Variants in DOCK2 observed in about 807,000 individuals in gnomAD.
DOCK2 encodes the protein dedicator of cytokinesis protein 2.
A neutral mutation model predicts 248.9 loss-of-function variants in DOCK2; 87 were observed. The observed-to-expected ratio is 0.35, with a 90% CI of 0.29 to 0.42. The LOEUF (loss-of-function observed/expected upper bound fraction) is 0.42. Among genes scored for constraint, DOCK2 ranks in the 10% least tolerant of loss-of-function variants. DOCK2 has a pLI of 1.00. For missense variants in DOCK2, 1,747 were observed against 2,300.2 expected (o/e 0.76, Z 4.92); for synonymous variants, 805 against 821.6 (o/e 0.98, Z 0.35).
At chr5:169,760,343 G>A (rs1174765247) in intron 24 of DOCK2, among the ~76,000 whole-genome samples, 1 of 152,174 alleles carries the variant, frequency 6.6e-6, no homozygotes. Context: ...AATACTTATA[G>A]ATTTAGAAGA....
chr5:169,686,695 G>A (rs369005161), intron 8 of DOCK2, among the ~76,000 whole-genome samples: 85 of 152,334 alleles, frequency 5.6e-4, no homozygotes, highest in African/African-American at 2.0e-3. Context: ...ACAACAGGCA[G>A]GTTAAGACAT....
chr5:170,023,443 C>T (rs547306680), intron 33 of DOCK2, among the ~76,000 whole-genome samples: 14 of 152,138 alleles, frequency 9.2e-5, no homozygotes, highest in South Asian at 6.3e-4. Context: ...GTGCTTGCTG[C>T]GTTCTCGGTA....
chr5:169,804,740 C>T (rs1046795342), intron 26 of DOCK2, among the ~76,000 whole-genome samples: 2 of 152,092 alleles, frequency 1.3e-5, no homozygotes, highest in Non-Finnish European at 2.9e-5. Context: ...ATAAATAGAG[C>T]AAATAAATGT....
At chr5:169,978,410 G>A (rs1311991457) in intron 27 of DOCK2, among the ~76,000 whole-genome samples, 2 of 141,512 alleles carry the variant, frequency 1.4e-5, no homozygotes, top group Admixed American at 7.1e-5. Flanking sequence ...GGGGGGTGTA[G>A]GTGTGTTTGC....
At chr5:170,063,214 TA>T (rs750294995) in intron 44 of DOCK2, among the ~76,000 whole-genome samples, 4 of 152,240 alleles carry the variant, frequency 2.6e-5, no homozygotes, top group African/African-American at 7.2e-5. Flanking sequence ...AGAAAGGGCT[TA>T]AAAAATTGCA....
At chr5:169,990,544 G>A (rs541162950) in intron 29 of DOCK2, among the ~76,000 whole-genome samples, 2 of 152,308 alleles carry the variant, frequency 1.3e-5, no homozygotes, top group South Asian at 2.1e-4. Context: ...GGGGTGAACC[G>A]TGTCCTGTCA....
At chr5:169,791,144 A>T (rs896898387) in intron 25 of DOCK2, among the ~76,000 whole-genome samples, 6 of 152,192 alleles carry the variant, frequency 3.9e-5, no homozygotes, top group African/African-American at 1.4e-4. Flanking sequence ...TCACTCATTC[A>T]TCTAACACTT....
chr5:169,960,331 A>G (rs1418955869), intron 27 of DOCK2, among the ~76,000 whole-genome samples: 2 of 152,158 alleles, frequency 1.3e-5, no homozygotes, highest in East Asian at 1.9e-4. Context: ...GGGTATTTAC[A>G]TCTGCTCATT....
intron 32 of DOCK2, among the ~76,000 whole-genome samples, chr5:170,010,924 T>TAGA (rs1755263818): frequency 6.6e-6 from 1 of 152,238 alleles, no homozygotes; most frequent in African/African-American, 2.4e-5. Context: ...GAAGATTTTA[T>TAGA]TTAGATATAG....
intron 15 of DOCK2, 115 bp from the exon 16 acceptor site, chr5:169,711,820 T>A (rs1761601848): frequency 3.8e-6 from 4 of 1,064,346 alleles, no homozygotes; most frequent in Non-Finnish European, 5.7e-6. Context: ...GGGTTGTAAA[T>A]CAGCAGGCAG....
intron 27 of DOCK2, among the ~76,000 whole-genome samples, chr5:169,870,215 T>C (rs954705568): frequency 6.6e-6 from 1 of 152,094 alleles, no homozygotes; most frequent in Non-Finnish European, 1.5e-5. Context: ...AAACCAGAAA[T>C]GGTAAGAACT....
intron 27 of DOCK2, among the ~76,000 whole-genome samples, chr5:169,938,348 C>T (rs1234231732): frequency 6.6e-6 from 1 of 151,924 alleles, no homozygotes; most frequent in East Asian, 1.9e-4. Context: ...GCAATTTTCT[C>T]ATTGTGTGAA....
At chr5:169,689,469 A>G in intron 9 of DOCK2, 136 bp downstream of exon 9, 1 of 839,632 alleles carries the variant, frequency 1.2e-6, no homozygotes, top group Non-Finnish European at 1.9e-6. Flanking sequence ...GCAGAAATCC[A>G]AAGCTGACAA....
chr5:169,811,534 T>G lies in DOCK2; in HGVS notation c.2703+8328T>G, dbSNP rs191300242. The stretch of plus-strand genomic sequence containing the variant: ...TACATGAGATCACTGCACCTTCTGC[T>G]GTGACCAAGGCTGCTTTGTTTTCAC... On this transcript the variant is annotated intron_variant, in intron 26 of 51. Transcript: ENST00000520908. Among the ~76,000 whole-genome samples the G allele has an allele frequency of 3.9e-5, 6 of 152,338 alleles. No homozygotes were observed. In the East Asian group the frequency reaches 1.2e-3, roughly 29 times the overall value.
chr5:169,814,001 T>C (rs261013), intron 26 of DOCK2, among the ~76,000 whole-genome samples: 70,431 of 152,086 alleles, frequency 0.46, 17,094 homozygotes, highest in African/African-American at 0.62. Flanking sequence ...ATTTTTGATT[T>C]GACAAACACC....
intron 26 of DOCK2, among the ~76,000 whole-genome samples, chr5:169,840,461 G>C (rs1327286783): frequency 6.6e-6 from 1 of 152,112 alleles, no homozygotes; most frequent in African/African-American, 2.4e-5. Context: ...TATTGTCAGA[G>C]CTAGTATTCT....
At chr5:169,776,296 A>G (rs977920522) in intron 25 of DOCK2, among the ~76,000 whole-genome samples, 1 of 151,708 alleles carries the variant, frequency 6.6e-6, no homozygotes, top group Non-Finnish European at 1.5e-5. Context: ...CTAAGTAGCT[A>G]GGAATGCAGG....
At chr5:169,693,191 T>A (rs1364254113) in intron 9 of DOCK2, among the ~76,000 whole-genome samples, 1 of 152,156 alleles carries the variant, frequency 6.6e-6, no homozygotes, top group Non-Finnish European at 1.5e-5. Context: ...ATTCAAGTTT[T>A]AAAGATGGAA....
intron 27 of DOCK2, chr5:169,875,347 C>T (rs1207697609): frequency 2.2e-6 from 1 of 456,374 alleles, no homozygotes; most frequent in Non-Finnish European, 4.4e-6. Context: ...GCAGATGGTC[C>T]ACGACCACGC....
Sources: allele counts gnomAD v4.1 joint callset (sites outside exome capture counted in the v4.1 genomes callset), GRCh38; gene constraint gnomAD v4.1.1; transcripts MANE v1.5; gene names NCBI Gene and HGNC (gene_info 2026-07-23, HGNC 2026-07-21).